RPRD2: variants seen among roughly 807,000 people sequenced by gnomAD.
RPRD2 encodes regulation of nuclear pre-mRNA domain-containing protein 2.
Under a neutral mutation model 104.4 loss-of-function variants are expected in RPRD2, and 12 were observed. That is an observed-to-expected ratio of 0.11 (90% CI 0.07 to 0.19). RPRD2 has a LOEUF of 0.19. Ranked by LOEUF, RPRD2 falls within the 10% of genes least tolerant of loss-of-function variation. RPRD2 has a pLI of 1.00. For synonymous variants in RPRD2, 714 were observed against 684.9 expected, an observed-to-expected ratio of 1.04 and a Z score of -0.66; for missense variants, 1,543 against 1,790.1, an observed-to-expected ratio of 0.86 and a Z score of 2.49.
intron 1 of RPRD2, among the ~76,000 whole-genome samples, chr1:150,379,838 G>T (rs1235081651): frequency 2.0e-5 from 3 of 152,202 alleles, no homozygotes; most frequent in Non-Finnish European, 4.4e-5. Context: ...ACCCGGCCAG[G>T]TTTAATTTCA....
In RPRD2 at chr1:150,364,577, C is replaced by T. The variant is rs782707380; in HGVS notation, c.-138C>T. On this transcript the variant is annotated 5_prime_UTR_variant, in exon 1 of 11. Coordinates refer to ENST00000369068, the MANE Select transcript of RPRD2 (RefSeq NM_015203.5). Reference sequence around the variant, plus strand: ...CGTCCGTACCTCCAGAAGAGCCCAGCGCGTGCACCATCCCCACCCCCTAGC... The same window carrying T: ...CGTCCGTACCTCCAGAAGAGCCCAGTGCGTGCACCATCCCCACCCCCTAGC... 1.1e-4 allele frequency: 65 copies of T among 602,622 alleles called. No individual in the cohort carries two copies. The highest frequency in any genetic ancestry group is 1.7e-4 in the Non-Finnish European group (58 of 343,600). 37.3% of individuals were successfully genotyped at this position (602,622 alleles called of 1,614,324 possible).
At chr1:150,400,117 A>C (rs1553885030) in intron 1 of RPRD2, among the ~76,000 whole-genome samples, 4 of 152,190 alleles carry the variant, frequency 2.6e-5, no homozygotes, top group African/African-American at 9.6e-5. Context: ...ACTAGGTGAT[A>C]ATCTAAGTCT....
intron 6 of RPRD2, among the ~76,000 whole-genome samples, chr1:150,445,763 A>T (rs1666718020): frequency 6.6e-6 from 1 of 152,094 alleles, no homozygotes. Flanking sequence ...GATTTGGAGA[A>T]ACTTGTTTAA....
chr1:150,408,538 A>G (rs1663666825), intron 1 of RPRD2, among the ~76,000 whole-genome samples: 1 of 152,210 alleles, frequency 6.6e-6, no homozygotes, highest in East Asian at 1.9e-4. Flanking sequence ...ACGAACTCTC[A>G]TGCAAGCATC....
At chr1:150,381,751 G>A (rs923072955) in intron 1 of RPRD2, among the ~76,000 whole-genome samples, 10 of 151,898 alleles carry the variant, frequency 6.6e-5, no homozygotes, top group Admixed American at 4.6e-4. Context: ...TGATCCGCCC[G>A]CCTTAGCCTC....
At chr1:150,406,561 C>T (rs1394992040) in intron 1 of RPRD2, among the ~76,000 whole-genome samples, 3 of 152,126 alleles carry the variant, frequency 2.0e-5, no homozygotes, top group Admixed American at 6.6e-5. Context: ...CATTTGCCAC[C>T]ATGCCTGGCT....
At chr1:150,404,543 C>T (rs1421734770) in intron 1 of RPRD2, among the ~76,000 whole-genome samples, 2 of 152,106 alleles carry the variant, frequency 1.3e-5, no homozygotes, top group Non-Finnish European at 2.9e-5. Context: ...AGCCACCACA[C>T]CTGGCCTAAG....
rs587663246 is a variant in RPRD2, at chr1:150,433,545, T to A, written c.336-7378T>A. On this transcript the variant is annotated intron_variant, in intron 2 of 10. Transcript: ENST00000369068. The stretch of plus-strand genomic sequence containing the variant: ...CTGCAAGCTCCTCCTTCCAGGTTCA[T>A]GCCATTCTCCTGCCTCAGCCTCCCG... Among the ~76,000 whole-genome samples the A allele has an allele frequency of 1.2e-3, 174 of 144,612 alleles. 2 individuals are homozygous for A. The highest frequency in any genetic ancestry group is 4.0e-3 in the African/African-American group (159 of 39,454). 94.9% of individuals were successfully genotyped at this position (144,612 alleles called of 152,430 possible).
At position 150,471,457 on chromosome 1, in the gene RPRD2, G is replaced by C; in HGVS notation, c.2509G>C (p.Glu837Gln). The C allele has an allele frequency of 6.2e-7, 1 of 1,613,890 alleles. No homozygotes were observed. The highest frequency in any genetic ancestry group is 8.5e-7 in the Non-Finnish European group (1 of 1,179,862). ...FQEDEDYRDFEYSGPPPSAMM... is the reference protein window; with the variant it reads ...FQEDEDYRDFQYSGPPPSAMM... The stretch of plus-strand genomic sequence containing the variant: ...AGAAGATGAGGATTACCGAGATTTT[G>C]AGTATTCAGGGCCTCCACCCTCTGC... Residue 837 changes from glutamate (E) to glutamine (Q), a missense_variant, in exon 11 of 11, where the codon GAG becomes CAG. By Grantham distance (29) the Glu-to-Gln change is conservative (BLOSUM62 2). Transcript: ENST00000369068. The surrounding 1 kb of genome is among the most constrained non-coding windows in gnomAD (Gnocchi z 5.3).
chr1:150,433,178 A>G (rs587664460), intron 2 of RPRD2, among the ~76,000 whole-genome samples: 29 of 152,202 alleles, frequency 1.9e-4, no homozygotes, highest in African/African-American at 4.8e-4. Flanking sequence ...AAGGACTACA[A>G]TTAAACTGAT....
intron 5 of RPRD2, 47 bp downstream of exon 5, chr1:150,443,330 T>C (rs1425824754): frequency 1.5e-6 from 2 of 1,301,890 alleles, no homozygotes; most frequent in African/African-American, 1.5e-5. Context: ...ATTCACCCCT[T>C]TTGTATTATA....
At position 150,457,350 on chromosome 1, in the gene RPRD2, A is replaced by G; in HGVS notation, c.933A>G (p.Ser311=). The change falls in exon 8 of 11, where the codon TCA becomes TCG. Residue 311 remains serine (S), a synonymous_variant. Transcript: ENST00000369068. Reference sequence around the variant, plus strand: ...AGAAGAAGTTGGATCAATTGAAGTCAACCCTTCCAGATCCTGAAGAATCAC... The same window carrying G: ...AGAAGAAGTTGGATCAATTGAAGTCGACCCTTCCAGATCCTGAAGAATCAC... ...NLKKKLDQLK[S]TLPDPEESPV... 1.2e-6 allele frequency: 2 copies of G among 1,608,048 alleles called. No individual in the cohort carries two copies. Among genetic ancestry groups the G allele is most frequent in the Middle Eastern group, 1.7e-4 (1 of 6,058 alleles).
At chr1:150,380,766 T>A (rs1553880649) in intron 1 of RPRD2, among the ~76,000 whole-genome samples, 1 of 152,176 alleles carries the variant, frequency 6.6e-6, no homozygotes, top group Non-Finnish European at 1.5e-5. Context: ...GCGATTCTCC[T>A]GCCTCAGCCT....
chr1:150,416,536 C>T (rs1380535725), intron 1 of RPRD2, among the ~76,000 whole-genome samples: 1 of 151,910 alleles, frequency 6.6e-6, no homozygotes, highest in African/African-American at 2.4e-5. Context: ...GCTCAGGGTT[C>T]CAGATAGTAC....
Position 150,471,980 on chromosome 1 carries a change from A to C in RPRD2, c.3032A>C (p.Asn1011Thr). 1 of 1,613,948 alleles carries C rather than the reference A, an allele frequency of 6.2e-7. No homozygotes were observed. The highest frequency in any genetic ancestry group is 8.5e-7 in the Non-Finnish European group (1 of 1,179,884). Residue 1011 changes from asparagine to threonine, a missense_variant, in exon 11 of 11, where the codon AAT becomes ACT. Asn to Thr is a moderately conservative substitution (Grantham distance 65). Around this residue, in one of 4 missense-constraint regions of RPRD2, gnomAD observed 880 missense variants for 885.6 expected, o/e 0.99. Transcript: ENST00000369068. This position sits in a 1 kb window ranked among gnomAD's most constrained non-coding sequence, Gnocchi z 5.3. ...ISTTSTIEFK[N>T]MLKNASRKPS... ...ACCACGTCGACGATTGAATTTAAGAATATGCTTAAAAACGCCTCACGTAAG... is the reference window on the plus strand; with the variant it reads ...ACCACGTCGACGATTGAATTTAAGACTATGCTTAAAAACGCCTCACGTAAG...
chr1:150,472,721 C>A lies in RPRD2; in HGVS notation c.3773C>A (p.Pro1258His), dbSNP rs1412569349. Residue 1258 changes from proline to histidine, a missense_variant, in exon 11 of 11, where the codon CCT (proline) becomes CAT (histidine). This residue lies in a region of RPRD2 where 880 missense variants were observed against 885.6 expected (regional missense o/e 0.99). Transcript: ENST00000369068. ...AALAHAAPPPPPGEHSGIPFP... is the reference protein window; with the variant it reads ...AALAHAAPPPHPGEHSGIPFP... ...CTGGCCCATGCTGCCCCACCCCCTCCTCCTGGAGAGCACAGTGGAATTCCT... is the reference window on the plus strand; with the variant it reads ...CTGGCCCATGCTGCCCCACCCCCTCATCCTGGAGAGCACAGTGGAATTCCT... 1.2e-6 allele frequency: 2 copies of A among 1,613,768 alleles called. No individual in the cohort carries two copies. Among genetic ancestry groups the A allele is most frequent in the South Asian group, 2.2e-5 (2 of 91,074 alleles).
chr1:150,395,365 T>G (rs940362697), intron 1 of RPRD2, among the ~76,000 whole-genome samples: 1 of 144,076 alleles, frequency 6.9e-6, no homozygotes. Flanking sequence ...TAGTATTCCA[T>G]TGTGTGTGTG....
At chr1:150,384,839 T>C (rs1343321872) in intron 1 of RPRD2, among the ~76,000 whole-genome samples, 1 of 151,804 alleles carries the variant, frequency 6.6e-6, no homozygotes, top group African/African-American at 2.4e-5. Flanking sequence ...TTAAGAGTTG[T>C]GGTAGGGGAA....
At position 150,472,905 on chromosome 1, in the gene RPRD2, G is replaced by A. The variant is rs1342800920; in HGVS notation, c.3957G>A (p.Gly1319=). Residue 1319 remains glycine (G), a synonymous_variant, in exon 11 of 11, where the codon GGG becomes GGA. Transcript: ENST00000369068. ...APPLAEHGVA[G]AVAVFPKDHS... Reference sequence around the variant, plus strand: ...CACTGGCAGAGCACGGAGTGGCAGGGGCTGTGGCAGTATTTCCCAAGGACC... The same window carrying A: ...CACTGGCAGAGCACGGAGTGGCAGGAGCTGTGGCAGTATTTCCCAAGGACC... The A allele has an allele frequency of 1.5e-5, 25 of 1,613,166 alleles. No individual in the cohort carries two copies. Among genetic ancestry groups the A allele is most frequent in the Non-Finnish European group, 2.1e-5 (25 of 1,179,622 alleles).
Sources: gnomAD v4.1 joint callset for allele counts (sites outside exome capture counted in the v4.1 genomes callset) on GRCh38, gnomAD v4.1.1 for gene constraint, gnomAD v4.1.1 regional missense constraint, Gnocchi (gnomAD v3.1) non-coding constraint, MANE v1.5 for transcripts, NCBI Gene and HGNC (gene_info 2026-07-23, HGNC 2026-07-21) for gene names.